Variants in RAD51B observed in about 807,000 individuals in gnomAD.
The protein encoded by RAD51B is DNA repair protein RAD51 homolog 2.
RAD51B carries 38 observed loss-of-function variants against 42.2 expected under a neutral mutation model. The observed-to-expected ratio is 0.90, with a 90% confidence interval of 0.70 to 1.18. The LOEUF (loss-of-function observed/expected upper bound fraction) is 1.18. RAD51B is among the 50% of genes most tolerant of loss of function. RAD51B has a pLI of 0.00. For synonymous variants in RAD51B, 154 were observed against 145.2 expected, an observed-to-expected ratio of 1.06 and a Z score of -0.43; for missense variants, 373 against 400.7, an observed-to-expected ratio of 0.93 and a Z score of 0.59.
At chr14:68,395,239 G>A (rs2083881712) in intron 8 of RAD51B, among the ~76,000 whole-genome samples, 1 of 152,096 alleles carries the variant, frequency 6.6e-6, no homozygotes, top group Non-Finnish European at 1.5e-5. Context: ...TATGAAATTA[G>A]CCTCTCTTAA....
chr14:68,303,483 A>G (rs1313012370), intron 8 of RAD51B, among the ~76,000 whole-genome samples: 1 of 152,046 alleles, frequency 6.6e-6, no homozygotes, highest in Non-Finnish European at 1.5e-5. Flanking sequence ...AAAAGAAAAG[A>G]AAAAGAAATA....
At chr14:68,361,172 G>A (rs1035700540) in intron 8 of RAD51B, among the ~76,000 whole-genome samples, 2 of 152,146 alleles carry the variant, frequency 1.3e-5, no homozygotes, top group Non-Finnish European at 2.9e-5. Flanking sequence ...TGCTTCTGAG[G>A]CAGCTCTGAG....
At chr14:68,256,060 C>T (rs1464264693) in intron 7 of RAD51B, among the ~76,000 whole-genome samples, 1 of 152,244 alleles carries the variant, frequency 6.6e-6, no homozygotes, top group East Asian at 1.9e-4. Flanking sequence ...CATCTGGATC[C>T]AGGATATTAT....
chr14:68,357,023 C>G (rs1594719119), intron 8 of RAD51B, among the ~76,000 whole-genome samples: 2 of 151,430 alleles, frequency 1.3e-5, no homozygotes, highest in South Asian at 4.2e-4. Context: ...TGAAGTTTGC[C>G]TTATGGATTG....
chr14:68,680,598 C>T (rs567836840), intron 11 of RAD51B, among the ~76,000 whole-genome samples: 38 of 152,270 alleles, frequency 2.5e-4, no homozygotes, highest in Admixed American at 2.1e-3. Flanking sequence ...TTCCTCTTCC[C>T]GTTAGCCCAG....
intron 7 of RAD51B, among the ~76,000 whole-genome samples, chr14:68,196,942 A>G (rs1342081944): frequency 6.6e-6 from 1 of 152,230 alleles, no homozygotes; most frequent in Non-Finnish European, 1.5e-5. Flanking sequence ...ACAGGTTAAT[A>G]AACATCTTAG....
At chr14:67,831,282 A>C (rs115971506) in intron 3 of RAD51B, among the ~76,000 whole-genome samples, 25 of 152,316 alleles carry the variant, frequency 1.6e-4, no homozygotes, top group African/African-American at 4.8e-4. Context: ...CGTGGGAGTC[A>C]TTGGTGTAAA....
intron 7 of RAD51B, among the ~76,000 whole-genome samples, chr14:68,185,270 G>A (rs1223820692): frequency 1.3e-5 from 2 of 152,102 alleles, no homozygotes; most frequent in African/African-American, 4.8e-5. Context: ...ACATAATAAA[G>A]TATTGCCAAC....
At chr14:68,457,205 G>A (rs540189926) in intron 9 of RAD51B, among the ~76,000 whole-genome samples, 1 of 151,976 alleles carries the variant, frequency 6.6e-6, no homozygotes, top group African/African-American at 2.4e-5. Flanking sequence ...GAGCCAACAC[G>A]CCCAGCCCTG....
At chr14:67,824,152 C>T (rs1294006004) in intron 2 of RAD51B, among the ~76,000 whole-genome samples, 2 of 152,234 alleles carry the variant, frequency 1.3e-5, no homozygotes, top group Non-Finnish European at 2.9e-5. Context: ...TCTTGAACTC[C>T]TGGCCTTAAG....
chr14:68,373,620 G>A (rs927073959), intron 8 of RAD51B, among the ~76,000 whole-genome samples: 1 of 152,086 alleles, frequency 6.6e-6, no homozygotes, highest in Non-Finnish European at 1.5e-5. Flanking sequence ...GCCTGTTGGT[G>A]GGTGGGGGGC....
At chr14:68,287,883 C>A (rs1326029857) in intron 7 of RAD51B, among the ~76,000 whole-genome samples, 1 of 152,154 alleles carries the variant, frequency 6.6e-6, no homozygotes, top group African/African-American at 2.4e-5. Flanking sequence ...ATCCTCAGAA[C>A]CATGTGAGCT....
At chr14:68,239,824 G>A (rs1263486551) in intron 7 of RAD51B, among the ~76,000 whole-genome samples, 1 of 152,178 alleles carries the variant, frequency 6.6e-6, no homozygotes, top group Non-Finnish European at 1.5e-5. Flanking sequence ...GCTGACAAGA[G>A]CCCTGGTTTT....
At chr14:67,911,245 C>G (rs182216842) in intron 7 of RAD51B, among the ~76,000 whole-genome samples, 3 of 152,300 alleles carry the variant, frequency 2.0e-5, no homozygotes, top group Admixed American at 1.3e-4. Flanking sequence ...AAGTCCTTTG[C>G]ATTGAAATGG....
At chr14:67,995,560 T>G (rs1487113869) in intron 7 of RAD51B, among the ~76,000 whole-genome samples, 1 of 151,980 alleles carries the variant, frequency 6.6e-6, no homozygotes, top group Non-Finnish European at 1.5e-5. Context: ...CATACTGCTT[T>G]TTTCCCCCCT....
chr14:68,632,909 G>A (rs1892260755), intron 10 of RAD51B, among the ~76,000 whole-genome samples: 1 of 148,410 alleles, frequency 6.7e-6, no homozygotes, highest in Non-Finnish European at 1.5e-5. Flanking sequence ...CTGAGTAGCT[G>A]GTACTGTAAG....
At chr14:68,611,159 T>C in exon 11 of RAD51B, 1 of 703,142 alleles carries the variant, frequency 1.4e-6, no homozygotes, top group South Asian at 1.5e-5. Context: ...CCTCCACAGA[T>C]GCACTCAACT....
At chr14:68,367,884 GA>G (rs1456373763) in intron 8 of RAD51B, among the ~76,000 whole-genome samples, 1 of 152,086 alleles carries the variant, frequency 6.6e-6, no homozygotes, top group African/African-American at 2.4e-5. Context: ...GAAAGCTTCT[GA>G]AAAAAATGTT....
chr14:67,858,615 G>A (rs771623896), intron 4 of RAD51B, among the ~76,000 whole-genome samples: 3 of 152,226 alleles, frequency 2.0e-5, no homozygotes, highest in Non-Finnish European at 4.4e-5. Context: ...GTAGGTATAC[G>A]TAAAATAGGT....
Sources: gnomAD v4.1 joint callset for allele counts (sites outside exome capture counted in the v4.1 genomes callset) on GRCh38, gnomAD v4.1.1 for gene constraint, MANE v1.5 for transcripts, NCBI Gene and HGNC (gene_info 2026-07-23, HGNC 2026-07-21) for gene names.